The following NLGN1 variants were observed in gnomAD, a reference collection of about 807,000 sequenced individuals.
The protein encoded by NLGN1 is neuroligin-1.
NLGN1 carries 12 observed loss-of-function variants against 65.5 expected under a neutral mutation model. The ratio of observed to expected loss-of-function variants is 0.18; its 90% confidence interval spans 0.12 to 0.30. The LOEUF is 0.30. Ranked by LOEUF, NLGN1 falls within the 10% of genes least tolerant of loss-of-function variation. The pLI is 1.00. For synonymous variants in NLGN1, 350 were observed against 359.5 expected, an observed-to-expected ratio of 0.97 and a Z score of 0.30; for missense variants, 750 against 1,007.1, an observed-to-expected ratio of 0.74 and a Z score of 3.46.
chr3:173,755,262 G>A (rs970131269), intron 3 of NLGN1, among the ~76,000 whole-genome samples: 1 of 151,938 alleles, frequency 6.6e-6, no homozygotes, highest in African/African-American at 2.4e-5. Flanking sequence ...GTATAATATT[G>A]ATGTATCTAT....
intron 3 of NLGN1, among the ~76,000 whole-genome samples, chr3:173,609,924 T>C (rs1381293272): frequency 6.6e-6 from 1 of 151,840 alleles, no homozygotes; most frequent in Non-Finnish European, 1.5e-5. Flanking sequence ...AAAGTGAGTA[T>C]CTAGAGAAAG....
chr3:173,862,902 C>T (rs779679976), intron 4 of NLGN1, among the ~76,000 whole-genome samples: 6 of 152,138 alleles, frequency 3.9e-5, no homozygotes, highest in Non-Finnish European at 5.9e-5. Context: ...CTAATCTCTG[C>T]CTCCAGGCCA....
chr3:173,574,637 A>G (rs1205714422), intron 2 of NLGN1, among the ~76,000 whole-genome samples: 1 of 152,172 alleles, frequency 6.6e-6, no homozygotes, highest in African/African-American at 2.4e-5. Context: ...GACAAGCCCA[A>G]TTACAAAACA....
intron 1 of NLGN1, among the ~76,000 whole-genome samples, chr3:173,403,549 T>C (rs906744710): frequency 6.6e-6 from 1 of 152,152 alleles, no homozygotes; most frequent in African/African-American, 2.4e-5. Context: ...GGGAGGGATC[T>C]AATTTTCAGC....
intron 4 of NLGN1, among the ~76,000 whole-genome samples, chr3:174,005,964 G>T (rs1015524514): frequency 6.6e-6 from 1 of 152,054 alleles, no homozygotes; most frequent in Admixed American, 6.6e-5. Context: ...TTAAGACCTT[G>T]TTTATGTACT....
intron 2 of NLGN1, among the ~76,000 whole-genome samples, chr3:173,527,406 CT>C (rs966174637): frequency 6.6e-6 from 1 of 151,274 alleles, no homozygotes; most frequent in East Asian, 1.9e-4. Context: ...TTCTTTTTTT[CT>C]TTTTTTTTGA....
At chr3:173,726,966 G>T in intron 3 of NLGN1, among the ~76,000 whole-genome samples, 1 of 150,392 alleles carries the variant, frequency 6.6e-6, no homozygotes. Context: ...AGAAGAAGAA[G>T]AAGAAAAAAT....
chr3:173,992,220 C>T (rs764479938), intron 4 of NLGN1, among the ~76,000 whole-genome samples: 1 of 152,062 alleles, frequency 6.6e-6, no homozygotes, highest in Non-Finnish European at 1.5e-5. Flanking sequence ...GTATATTATT[C>T]ATAAGTATAC....
intron 3 of NLGN1, among the ~76,000 whole-genome samples, chr3:173,648,477 A>G (rs890378205): frequency 2.6e-5 from 4 of 152,206 alleles, no homozygotes; most frequent in African/African-American, 9.6e-5. Context: ...AAGTTAGTGG[A>G]GGGTGTGAGG....
chr3:174,024,885 A>G (rs758752478), intron 4 of NLGN1, among the ~76,000 whole-genome samples: 4 of 152,224 alleles, frequency 2.6e-5, no homozygotes, highest in African/African-American at 4.8e-5. Flanking sequence ...AATCTTTAAA[A>G]TAGAAAGTAA....
chr3:174,215,447 T>G (rs939581866), intron 4 of NLGN1, among the ~76,000 whole-genome samples: 1 of 152,184 alleles, frequency 6.6e-6, no homozygotes, highest in Non-Finnish European at 1.5e-5. Context: ...CTGCCTATTA[T>G]TGAGCTGAGA....
chr3:173,956,198 T>C (rs1711994804), intron 4 of NLGN1, among the ~76,000 whole-genome samples: 1 of 152,070 alleles, frequency 6.6e-6, no homozygotes, highest in Admixed American at 6.5e-5. Flanking sequence ...AGCAGAGAGA[T>C]GCAAAGGGAC....
At chr3:174,042,729 T>G (rs980500590) in intron 4 of NLGN1, among the ~76,000 whole-genome samples, 1 of 152,202 alleles carries the variant, frequency 6.6e-6, no homozygotes, top group African/African-American at 2.4e-5. Context: ...AAAATAAACA[T>G]TTTTATGATG....
chr3:174,257,901 CTT>C (rs1491204279), intron 4 of NLGN1, among the ~76,000 whole-genome samples: 7 of 138,896 alleles, frequency 5.0e-5, no homozygotes, highest in East Asian at 4.1e-4. Flanking sequence ...TTTATATCTC[CTT>C]ATATATATAT....
At chr3:173,540,759 T>C (rs1266932894) in intron 2 of NLGN1, among the ~76,000 whole-genome samples, 1 of 152,220 alleles carries the variant, frequency 6.6e-6, no homozygotes, top group African/African-American at 2.4e-5. Flanking sequence ...TTAGACACTA[T>C]TCCCTAGTGA....
chr3:173,558,609 T>C (rs1335733397), intron 2 of NLGN1, among the ~76,000 whole-genome samples: 1 of 152,220 alleles, frequency 6.6e-6, no homozygotes, highest in Non-Finnish European at 1.5e-5. Flanking sequence ...TAGTGAATTA[T>C]TTTTGATGGC....
chr3:173,921,822 T>G (rs573888977), intron 4 of NLGN1, among the ~76,000 whole-genome samples: 1 of 152,238 alleles, frequency 6.6e-6, no homozygotes, highest in African/African-American at 2.4e-5. Flanking sequence ...GTGTTGATCA[T>G]TGCTAATTGT....
At chr3:173,841,929 G>C (rs1030118795) in intron 4 of NLGN1, among the ~76,000 whole-genome samples, 1 of 152,096 alleles carries the variant, frequency 6.6e-6, no homozygotes, top group African/African-American at 2.4e-5. Flanking sequence ...TATGCTTAAT[G>C]GGAGGAAAAA....
chr3:174,165,786 T>A (rs1396043417), intron 4 of NLGN1, among the ~76,000 whole-genome samples: 1 of 152,040 alleles, frequency 6.6e-6, no homozygotes, highest in African/African-American at 2.4e-5. Context: ...AGGCTCTTCC[T>A]TATATTTCTG....
Sources: allele counts gnomAD v4.1 joint callset (sites outside exome capture counted in the v4.1 genomes callset), GRCh38; gene constraint gnomAD v4.1.1; transcripts MANE v1.5; gene names NCBI Gene and HGNC (gene_info 2026-07-23, HGNC 2026-07-21).